The following PIK3C2A variants were observed in gnomAD, a reference collection of about 807,000 sequenced individuals.
PIK3C2A encodes the protein phosphatidylinositol 4-phosphate 3-kinase C2 domain-containing subunit alpha.
In PIK3C2A, 97 loss-of-function variants were observed where a neutral mutation model predicts 204.5. The observed-to-expected ratio is 0.47, with a 90% confidence interval of 0.40 to 0.56. The LOEUF (loss-of-function observed/expected upper bound fraction) is 0.56. Ranked by LOEUF, PIK3C2A falls within the 20% of genes least tolerant of loss-of-function variation. The pLI, the probability that PIK3C2A is intolerant of heterozygous loss-of-function variation, is 0.00. For synonymous variants in PIK3C2A, 653 were observed against 664.4 expected (o/e 0.98, Z 0.26); for missense variants, 1,735 against 1,969.2 (o/e 0.88, Z 2.25).
intron 3 of PIK3C2A, among the ~76,000 whole-genome samples, chr11:17,155,159 T>A (rs1011839376): frequency 4.6e-5 from 7 of 152,194 alleles, no homozygotes; most frequent in Admixed American, 6.5e-5. Context: ...TAATATCATC[T>A]CTTAAATATG....
chr11:17,198,079 C>A (rs1852224237), intron 1 of PIK3C2A, among the ~76,000 whole-genome samples: 1 of 150,600 alleles, frequency 6.6e-6, no homozygotes, highest in African/African-American at 2.4e-5. Context: ...TAGCAGCAAG[C>A]AAATATCAGA....
At chr11:17,118,163 C>T (rs776188893) in intron 18 of PIK3C2A, among the ~76,000 whole-genome samples, 18 of 151,822 alleles carry the variant, frequency 1.2e-4, no homozygotes, top group African/African-American at 3.6e-4. Context: ...CCTCCACCTC[C>T]CAGGCTCGAG....
intron 1 of PIK3C2A, among the ~76,000 whole-genome samples, chr11:17,202,090 T>C (rs1412647738): frequency 6.6e-6 from 1 of 151,768 alleles, no homozygotes; most frequent in Non-Finnish European, 1.5e-5. Flanking sequence ...ACCCCATCTC[T>C]ACCAAAAATA....
Position 17,119,210 on chromosome 11 carries a change from A to T in PIK3C2A, c.2940+10T>A, listed in dbSNP as rs983549059. On this transcript the variant is annotated intron_variant, in intron 17 of 32. Coordinates refer to ENST00000691414, the MANE Select transcript of PIK3C2A (RefSeq NM_002645.4). The stretch of plus-strand genomic sequence containing the variant: ...AAGTATAAAGGGAGGTAATCTAGTA[A>T]AAAACTCACTTGTACAAACTGTGGA... 2 of 1,495,220 alleles carry T rather than the reference A, an allele frequency of 1.3e-6. No individual in the cohort carries two copies. 92.6% of individuals were successfully genotyped at this position (1,495,220 alleles called of 1,614,324 possible).
intron 13 of PIK3C2A, among the ~76,000 whole-genome samples, chr11:17,128,039 C>T (rs1036872729): frequency 7.2e-5 from 11 of 151,948 alleles, no homozygotes; most frequent in South Asian, 2.1e-4. Flanking sequence ...CCCCCCACTC[C>T]GTAAAAAGGG....
intron 1 of PIK3C2A, among the ~76,000 whole-genome samples, chr11:17,192,284 C>T (rs952755396): frequency 6.6e-6 from 1 of 152,164 alleles, no homozygotes; most frequent in Admixed American, 6.5e-5. Context: ...CTAAATCCAA[C>T]ATTGTGGGTC....
chr11:17,137,301 T>C (rs1010624979), intron 8 of PIK3C2A, among the ~76,000 whole-genome samples: 5 of 152,210 alleles, frequency 3.3e-5, no homozygotes, highest in Admixed American at 6.5e-5. Context: ...GCCTGTTTTC[T>C]AGCTCCTCAT....
intron 15 of PIK3C2A, 60 bp downstream of exon 15, chr11:17,122,128 C>G: frequency 3.8e-6 from 4 of 1,042,370 alleles, no homozygotes; most frequent in Non-Finnish European, 5.8e-6. Context: ...AATGTAAGTC[C>G]TAACTTGACT....
chr11:17,148,611 T>C (rs1850326303), intron 5 of PIK3C2A, 56 bp downstream of exon 5: 10 of 1,535,100 alleles, frequency 6.5e-6, no homozygotes, highest in East Asian at 2.3e-5. Flanking sequence ...TTTTCTAGAT[T>C]AAACCATTAA....
intron 11 of PIK3C2A, among the ~76,000 whole-genome samples, chr11:17,134,253 C>G (rs917795758): frequency 2.0e-5 from 3 of 152,094 alleles, no homozygotes; most frequent in African/African-American, 7.2e-5. Context: ...GTCACCCAGG[C>G]TGGAGTGCAG....
In PIK3C2A at chr11:17,145,262, T is replaced by C. The variant is rs376495228; in HGVS notation, c.1704+406A>G. On this transcript the variant is annotated intron_variant, in intron 8 of 32. Coordinates refer to ENST00000691414, the MANE Select transcript of PIK3C2A (RefSeq NM_002645.4). ...GGCACAATGATGTGGTTTGGCTCTA[T>C]GTCCCCCCCAAATCTCACCTTGAAA... 6.6e-5 allele frequency among the ~76,000 whole-genome samples: 10 copies of C among 152,208 alleles called. No individual in the cohort carries two copies. In the East Asian group the frequency reaches 9.6e-4, roughly 15 times the overall value.
intron 28 of PIK3C2A, 68 bp from the exon 29 acceptor site, chr11:17,092,344 T>C: frequency 1.3e-6 from 1 of 775,482 alleles, no homozygotes; most frequent in Admixed American, 2.0e-5. Context: ...ATACACTTTT[T>C]CATATATACT....
intron 24 of PIK3C2A, among the ~76,000 whole-genome samples, chr11:17,102,221 G>T (rs1388104032): frequency 6.6e-6 from 1 of 152,088 alleles, no homozygotes; most frequent in Non-Finnish European, 1.5e-5. Flanking sequence ...TAGATCACTT[G>T]GTCAGGAGAT....
chr11:17,128,330 G>A (rs940109851), intron 13 of PIK3C2A, among the ~76,000 whole-genome samples: 3 of 150,184 alleles, frequency 2.0e-5, no homozygotes, highest in Non-Finnish European at 4.4e-5. Context: ...CTGCCTCCAG[G>A]TTCAAGTGAT....
chr11:17,160,168 A>C (rs1850727931), intron 2 of PIK3C2A, among the ~76,000 whole-genome samples: 1 of 152,216 alleles, frequency 6.6e-6, no homozygotes, highest in African/African-American at 2.4e-5. Context: ...GAGTCACATT[A>C]CTACAAGGGT....
intron 23 of PIK3C2A, 91 bp downstream of exon 23, chr11:17,105,074 CTATT>C (rs1329002000): frequency 6.7e-6 from 6 of 892,518 alleles, no homozygotes; most frequent in Non-Finnish European, 1.1e-5. Context: ...GACTAAATGA[CTATT>C]TGGTCACCAG....
intron 9 of PIK3C2A, 57 bp from the exon 10 acceptor site, chr11:17,135,216 A>G (rs895114782): frequency 1.7e-5 from 27 of 1,547,618 alleles, no homozygotes; most frequent in South Asian, 5.7e-5. Context: ...ATAATATAAA[A>G]TGTCAAATAC....
In PIK3C2A at chr11:17,101,373, G is replaced by A; in HGVS notation, c.3913C>T (p.Pro1305Ser). 1 of 1,595,012 alleles carries A rather than the reference G, an allele frequency of 6.3e-7. No homozygotes were observed. Among genetic ancestry groups the A allele is most frequent in the Non-Finnish European group, 8.6e-7 (1 of 1,165,148 alleles). ...MAYVINGGEK[P>S]TIRFQLFVDL... is the part of the protein sequence containing the mutation. ...ACAAACAACTGAAAACGAATGGTGG[G>A]CTTTTCACCCCCATTAATGACATAT... The change falls in exon 25 of 33, where the codon CCC (proline) becomes TCC (serine). Residue 1305 changes from proline to serine, a missense_variant. Pro to Ser is a moderately conservative substitution (Grantham distance 74). Transcript: ENST00000691414.
intron 3 of PIK3C2A, among the ~76,000 whole-genome samples, chr11:17,153,277 C>CA (rs1419842617): frequency 6.6e-6 from 1 of 151,374 alleles, no homozygotes; most frequent in Non-Finnish European, 1.5e-5. Context: ...ACTAAAAATA[C>CA]AAAAAAAATT....
Sources: allele counts gnomAD v4.1 joint callset (sites outside exome capture counted in the v4.1 genomes callset), GRCh38; gene constraint gnomAD v4.1.1; transcripts MANE v1.5; gene names NCBI Gene and HGNC (gene_info 2026-07-23, HGNC 2026-07-21).